Variants in KAZN observed in about 807,000 individuals in gnomAD.
KAZN encodes kazrin.
Under a neutral mutation model 87.4 loss-of-function variants are expected in KAZN, and 40 were observed. The ratio of observed to expected loss-of-function variants is 0.46; its 90% CI spans 0.36 to 0.60. The LOEUF is 0.60. KAZN is among the 20% of genes least tolerant of loss of function. The pLI, the probability that KAZN is intolerant of heterozygous loss-of-function variation, is 0.00. For missense variants in KAZN, 898 were observed against 1,073.9 expected, an observed-to-expected ratio of 0.84 and a Z score of 2.29; for synonymous variants, 466 against 458.3, an observed-to-expected ratio of 1.02 and a Z score of -0.22.
Position 14,658,423 on chromosome 1 carries a change from A to G in KAZN, c.226+59200A>G, listed in dbSNP as rs190862937. On this transcript the variant is annotated intron_variant, in intron 1 of 14. Coordinates refer to ENST00000376030, the MANE Select transcript of KAZN (RefSeq NM_201628.3). ...TGAGCCTCAGTTCCTCTATCTGTGAATGGGAGTAAAATTCCTTCCCTGTAG... is the reference window on the plus strand; with the variant it reads ...TGAGCCTCAGTTCCTCTATCTGTGAGTGGGAGTAAAATTCCTTCCCTGTAG... Among the ~76,000 whole-genome samples the G allele has an allele frequency of 4.6e-5, 7 of 152,254 alleles. No homozygotes were observed. The East Asian group carries it at 1.4e-3, about 29-fold the overall frequency.
intron 2 of KAZN, among the ~76,000 whole-genome samples, chr1:14,519,425 G>A (rs939490423): frequency 1.3e-5 from 2 of 152,180 alleles, no homozygotes; most frequent in Admixed American, 1.3e-4. Flanking sequence ...GCAGCCAAGA[G>A]CAGCATACAT....
intron 1 of KAZN, among the ~76,000 whole-genome samples, chr1:14,832,757 G>T (rs1314347456): frequency 6.6e-6 from 1 of 152,144 alleles, no homozygotes; most frequent in Non-Finnish European, 1.5e-5. Flanking sequence ...ACTTGATTCT[G>T]CCTGGCCCAC....
chr1:14,741,392 A>G (rs993336805), intron 1 of KAZN, among the ~76,000 whole-genome samples: 2 of 152,200 alleles, frequency 1.3e-5, no homozygotes, highest in Non-Finnish European at 2.9e-5. Flanking sequence ...TCCCATGGGC[A>G]TGTGGAGACC....
At chr1:14,977,755 T>C (rs898247974) in intron 2 of KAZN, among the ~76,000 whole-genome samples, 10 of 152,252 alleles carry the variant, frequency 6.6e-5, no homozygotes, top group African/African-American at 2.4e-4. Flanking sequence ...CAGGTGGCTC[T>C]GGCCAGGTCT....
At chr1:14,297,358 A>G (rs531408881) in intron 2 of KAZN, among the ~76,000 whole-genome samples, 8 of 152,224 alleles carry the variant, frequency 5.3e-5, no homozygotes, top group Non-Finnish European at 1.0e-4. Context: ...AGAAAAGCAA[A>G]AACTGATTTT....
At chr1:14,774,259 C>T (rs1332540015) in intron 1 of KAZN, among the ~76,000 whole-genome samples, 1 of 152,112 alleles carries the variant, frequency 6.6e-6, no homozygotes, top group Non-Finnish European at 1.5e-5. Context: ...GGCAGGGTCG[C>T]CTCTGTGGGC....
At chr1:14,306,175 T>C (rs1387084366) in intron 2 of KAZN, among the ~76,000 whole-genome samples, 2 of 152,188 alleles carry the variant, frequency 1.3e-5, no homozygotes, top group Non-Finnish European at 2.9e-5. Context: ...GAAAAGTATT[T>C]CACTGGAGAA....
At chr1:14,932,118 C>T (rs546538201) in intron 1 of KAZN, among the ~76,000 whole-genome samples, 6 of 152,284 alleles carry the variant, frequency 3.9e-5, no homozygotes, top group African/African-American at 7.2e-5. Context: ...CTCCTTGAGC[C>T]CCGCAGAGGA....
intron 1 of KAZN, among the ~76,000 whole-genome samples, chr1:14,724,132 T>C (rs1183247700): frequency 6.6e-6 from 1 of 152,246 alleles, no homozygotes; most frequent in Non-Finnish European, 1.5e-5. Context: ...CTACCAGTGA[T>C]TAATTCCGGG....
At chr1:14,251,643 C>CTTTTTTTTTTTTTTTTTTTTTTTTTTTT (rs549092023) in intron 2 of KAZN, among the ~76,000 whole-genome samples, 2 of 90,370 alleles carry the variant, frequency 2.2e-5, no homozygotes, top group African/African-American at 5.9e-5. Flanking sequence ...TTCTCCCGGA[C>CTTTTTTTTTTTTTTTTTTTTTTTTTTTT]TTTTTTTTTT....
In KAZN at chr1:14,113,493, C is replaced by A. The variant is rs138335343; in HGVS notation, c.92-66942C>A. The stretch of plus-strand genomic sequence containing the variant: ...AGATCTGAAAGAGAAGGAAGGTGAC[C>A]GGAGACGTCATTTATTACGTCCTTC... On this transcript the variant is annotated intron_variant, in intron 1 of 16. Transcript: ENST00000636203. Among the ~76,000 whole-genome samples the A allele has an allele frequency of 2.6e-3, 392 of 152,254 alleles. 3 individuals carry two copies. Among genetic ancestry groups the A allele is most frequent in the East Asian group, 0.018 (95 of 5,180 alleles).
At chr1:13,973,692 A>G (rs1210161258) in intron 1 of KAZN, among the ~76,000 whole-genome samples, 1 of 152,182 alleles carries the variant, frequency 6.6e-6, no homozygotes, top group Non-Finnish European at 1.5e-5. Context: ...TTTTCCTCCA[A>G]TAACCCAGTT....
At chr1:14,067,870 C>T (rs1204641512) in intron 1 of KAZN, among the ~76,000 whole-genome samples, 2 of 152,208 alleles carry the variant, frequency 1.3e-5, no homozygotes, top group African/African-American at 2.4e-5. Flanking sequence ...CAGACTCACC[C>T]CATGTGGTGG....
chr1:14,750,980 G>A (rs1455611220), intron 1 of KAZN, among the ~76,000 whole-genome samples: 1 of 152,228 alleles, frequency 6.6e-6, no homozygotes, highest in Non-Finnish European at 1.5e-5. Context: ...AGGGCTCAGA[G>A]TGGGAGATGG....
At chr1:14,401,068 C>A (rs1411023543) in intron 2 of KAZN, among the ~76,000 whole-genome samples, 1 of 152,156 alleles carries the variant, frequency 6.6e-6, no homozygotes, top group Non-Finnish European at 1.5e-5. Flanking sequence ...TGGTCTGAGG[C>A]TGCCAGGGAG....
At position 15,056,290 on chromosome 1, in the gene KAZN, G is replaced by C. The variant is rs780846635; in HGVS notation, c.916+10G>C. ...CCTGCGGACCGGCAAGGTGAGTCCT[G>C]CCCTGGCCTGGCTCCACCACGGCTT... On this transcript the variant is annotated intron_variant, in intron 5 of 14. Coordinates refer to ENST00000376030, the MANE Select transcript of KAZN (RefSeq NM_201628.3). This position sits in a 1 kb window ranked among gnomAD's most constrained non-coding sequence, Gnocchi z 5.4. The C allele has an allele frequency of 6.3e-7, 1 of 1,590,708 alleles. No homozygotes were observed. The highest frequency in any genetic ancestry group is 8.6e-7 in the Non-Finnish European group (1 of 1,162,382).
intron 2 of KAZN, among the ~76,000 whole-genome samples, chr1:14,292,310 G>A (rs1653769340): frequency 6.6e-6 from 1 of 152,164 alleles, no homozygotes; most frequent in Admixed American, 6.5e-5. Flanking sequence ...CAGTATTCAG[G>A]GTAGAGAACA....
chr1:14,272,038 T>C (rs1651980914), intron 2 of KAZN, among the ~76,000 whole-genome samples: 1 of 152,244 alleles, frequency 6.6e-6, no homozygotes, highest in African/African-American at 2.4e-5. Context: ...TGCAGAATTA[T>C]TTGGTGACAC....
In KAZN at chr1:14,377,554, G is replaced by T. The variant is rs1383923151; in HGVS notation, c.249+196962G>T. ...ATACTCTATTTTTCACAATGGGCCA[G>T]GTCGCTGGCAGTAGTTAGAGCTGCT... On this transcript the variant is annotated intron_variant, in intron 2 of 16. Transcript: ENST00000636203. Among the ~76,000 whole-genome samples the T allele has an allele frequency of 5.3e-5, 8 of 152,326 alleles. No homozygotes were observed. In the East Asian group the frequency reaches 1.5e-3, roughly 29 times the overall value.
Sources: allele counts gnomAD v4.1 joint callset (sites outside exome capture counted in the v4.1 genomes callset), GRCh38; gene constraint gnomAD v4.1.1; non-coding constraint Gnocchi (gnomAD v3.1); transcripts MANE v1.5; gene names NCBI Gene and HGNC (gene_info 2026-07-23, HGNC 2026-07-21).